The following NFIB variants were observed in gnomAD, a reference collection of about 807,000 sequenced individuals.
The protein encoded by NFIB is nuclear factor I B, also known as nuclear factor 1 B-type.
In NFIB, 11 loss-of-function variants were observed where a neutral mutation model predicts 61.5. The ratio of observed to expected loss-of-function variants is 0.18; its 90% CI spans 0.11 to 0.30. The LOEUF (loss-of-function observed/expected upper bound fraction) is 0.30, where lower values mean the gene tolerates loss of function less well. Among genes scored for constraint, NFIB ranks in the 10% least tolerant of loss-of-function variants. The pLI, the probability that NFIB is intolerant of heterozygous loss-of-function variation, is 1.00. For missense variants in NFIB, 471 were observed against 608.9 expected (o/e 0.77, Z 2.38); for synonymous variants, 260 against 216.5 (o/e 1.20, Z -1.76).
intron 2 of NFIB, among the ~76,000 whole-genome samples, chr9:14,297,813 A>G (rs1431977687): frequency 1.3e-5 from 2 of 152,202 alleles, no homozygotes; most frequent in Non-Finnish European, 2.9e-5. Context: ...ATGAACTATA[A>G]TGTCATATTT....
At chr9:14,480,414 A>G in the NFIB span, among the ~76,000 whole-genome samples, 1 of 152,194 alleles carries the variant, frequency 6.6e-6, no homozygotes, top group Non-Finnish European at 1.5e-5. Flanking sequence ...AAGAGACTCT[A>G]TGTGAAAGAA....
chr9:14,288,788 G>A (rs909555746), intron 2 of NFIB, among the ~76,000 whole-genome samples: 39 of 151,846 alleles, frequency 2.6e-4, no homozygotes, highest in African/African-American at 8.9e-4. Context: ...TAAATTACTC[G>A]GACAAGGCCA....
chr9:14,373,043 T>C (rs1432046711), intron 1 of NFIB, among the ~76,000 whole-genome samples: 9 of 152,206 alleles, frequency 5.9e-5, no homozygotes, highest in Non-Finnish European at 7.3e-5. Flanking sequence ...GCTGTTTATA[T>C]AGCGTTTCCT....
intron 2 of NFIB, among the ~76,000 whole-genome samples, chr9:14,294,979 G>C (rs1007192127): frequency 1.3e-5 from 2 of 152,194 alleles, no homozygotes; most frequent in African/African-American, 4.8e-5. Flanking sequence ...ACCAACCAGA[G>C]CTACTGAAGT....
intron 2 of NFIB, among the ~76,000 whole-genome samples, chr9:14,276,783 C>T (rs1379017002): frequency 1.3e-5 from 2 of 151,976 alleles, no homozygotes; most frequent in East Asian, 3.9e-4. Flanking sequence ...GGACTGTTTG[C>T]CTTCCATATC....
At chr9:14,173,998 G>C (rs2045866011) in intron 3 of NFIB, among the ~76,000 whole-genome samples, 1 of 152,104 alleles carries the variant, frequency 6.6e-6, no homozygotes, top group Non-Finnish European at 1.5e-5. Context: ...ATGTAGCTGA[G>C]GGCTATGCGT....
chr9:14,322,259 G>T, intron 1 of NFIB: 1 of 516,384 alleles, frequency 1.9e-6, no homozygotes, highest in Non-Finnish European at 2.8e-6. Flanking sequence ...CTTGCAGAAG[G>T]CTGTTTCTCG....
the NFIB span, among the ~76,000 whole-genome samples, chr9:14,484,100 T>A: frequency 6.6e-6 from 1 of 152,232 alleles, no homozygotes; most frequent in Non-Finnish European, 1.5e-5. Context: ...ACCTAGTTAC[T>A]CCTTTTGGAA....
chr9:14,314,972 G>A (rs999242963), upstream of NFIB, among the ~76,000 whole-genome samples: 1 of 151,892 alleles, frequency 6.6e-6, no homozygotes, highest in Non-Finnish European at 1.5e-5. Flanking sequence ...AGAAAGGAAC[G>A]AGTGGAAAAT....
chr9:14,151,299 C>T (rs1050065986), intron 4 of NFIB, among the ~76,000 whole-genome samples: 9 of 152,068 alleles, frequency 5.9e-5, no homozygotes, highest in African/African-American at 1.9e-4. Flanking sequence ...AGTTCAAAAA[C>T]GTGTTAAAAG....
At chr9:14,420,223 G>A in the NFIB span, among the ~76,000 whole-genome samples, 1 of 152,094 alleles carries the variant, frequency 6.6e-6, no homozygotes, top group East Asian at 1.9e-4. Context: ...GAGAAGGGCA[G>A]ATCACTTGAG....
intron 4 of NFIB, among the ~76,000 whole-genome samples, chr9:14,150,772 T>C (rs185651093): frequency 6.6e-6 from 1 of 152,266 alleles, no homozygotes; most frequent in East Asian, 1.9e-4. Context: ...ATATCATGAC[T>C]TCTAATCCAC....
At chr9:14,400,458 A>T (rs2061732027), upstream of NFIB, among the ~76,000 whole-genome samples, 1 of 151,994 alleles carries the variant, frequency 6.6e-6, no homozygotes, top group African/African-American at 2.4e-5. Context: ...TTTTGACCCA[A>T]CTTTGGATTG....
intron 2 of NFIB, among the ~76,000 whole-genome samples, chr9:14,298,931 G>A (rs2059600972): frequency 1.3e-5 from 2 of 152,206 alleles, no homozygotes; most frequent in Non-Finnish European, 2.9e-5. Context: ...AAGGCCAGAA[G>A]CTGAGACCGA....
At chr9:14,250,131 G>A (rs893090332) in intron 2 of NFIB, among the ~76,000 whole-genome samples, 18 of 152,168 alleles carry the variant, frequency 1.2e-4, no homozygotes, top group East Asian at 1.9e-4. Context: ...AGGTTATCAC[G>A]CAGGATTTTT....
the NFIB span, among the ~76,000 whole-genome samples, chr9:14,465,525 T>G: frequency 6.6e-6 from 1 of 151,998 alleles, no homozygotes; most frequent in Admixed American, 6.6e-5. Flanking sequence ...TGAAAATTGT[T>G]GTCACCGTCA....
chr9:14,377,046 A>G (rs1294449991), intron 1 of NFIB, among the ~76,000 whole-genome samples: 1 of 152,172 alleles, frequency 6.6e-6, no homozygotes, highest in East Asian at 1.9e-4. Context: ...TTCACCCCAA[A>G]TTCTGAGATT....
intron 7 of NFIB, among the ~76,000 whole-genome samples, chr9:14,124,057 T>C (rs1327712409): frequency 6.6e-6 from 1 of 152,168 alleles, no homozygotes; most frequent in Non-Finnish European, 1.5e-5. Context: ...CACTATATCC[T>C]GAACTCTTTA....
intron 1 of NFIB, among the ~76,000 whole-genome samples, chr9:14,395,621 T>G (rs1375894214): frequency 1.3e-5 from 2 of 151,340 alleles, no homozygotes; most frequent in African/African-American, 4.8e-5. Context: ...TCCACCACCC[T>G]ACAGTTCATT....
Sources: gnomAD v4.1 joint callset for allele counts (sites outside exome capture counted in the v4.1 genomes callset) on GRCh38, gnomAD v4.1.1 for gene constraint, MANE v1.5 for transcripts, NCBI Gene and HGNC (gene_info 2026-07-23, HGNC 2026-07-21) for gene names.